Variants in ZNF66 observed in about 807,000 individuals in gnomAD.
The protein encoded by ZNF66 is zinc finger protein 66, also known as putative zinc finger protein 66.
In ZNF66, 32 loss-of-function variants were observed where a neutral mutation model predicts 35.2. The observed-to-expected ratio is 0.91, with a 90% CI of 0.69 to 1.22. The LOEUF is 1.22. ZNF66 is among the 50% of genes most tolerant of loss of function. The probability of loss-of-function intolerance (pLI) is 0.00; values close to 1 mark genes in which losing one functional copy is unlikely to be tolerated. For synonymous variants in ZNF66, 231 were observed against 181.3 expected, an observed-to-expected ratio of 1.27 and a Z score of -2.20; for missense variants, 666 against 543.1, an observed-to-expected ratio of 1.23 and a Z score of -2.25.
At chr19:20,793,054 A>T (rs1971353240) in intron 2 of ZNF66, among the ~76,000 whole-genome samples, 3 of 151,754 alleles carry the variant, frequency 2.0e-5, no homozygotes, top group Non-Finnish European at 4.4e-5. Flanking sequence ...GCAACAGAGC[A>T]AGATTCTGTC....
rs534354489 is a variant in ZNF66, at chr19:20,802,114, T to G, written c.227-3713T>G. 4.6e-5 allele frequency among the ~76,000 whole-genome samples: 7 copies of G among 152,300 alleles called. 1 individual carries two copies. The East Asian group carries it at 1.3e-3, about 29-fold the overall frequency. ...CCTTTATACTCATAACAAATTATTTTAATTCTGTAGCTTTTTGATGTGTTT... is the reference window on the plus strand; with the variant it reads ...CCTTTATACTCATAACAAATTATTTGAATTCTGTAGCTTTTTGATGTGTTT... On this transcript the variant is annotated intron_variant, in intron 3 of 3. Transcript: ENST00000344519.
At chr19:20,781,233 T>C (rs1248737309) in intron 1 of ZNF66, among the ~76,000 whole-genome samples, 2 of 152,228 alleles carry the variant, frequency 1.3e-5, no homozygotes, top group Non-Finnish European at 2.9e-5. Context: ...TTTAATTTTT[T>C]ATTTTAGCTT....
Position 20,779,854 on chromosome 19 carries a change from G to C in ZNF66, c.3+3404G>C, listed in dbSNP as rs117334053. Among the ~76,000 whole-genome samples, 532 of 151,914 alleles carry C rather than the reference G, an allele frequency of 3.5e-3. 4 individuals are homozygous for C. In the East Asian group the frequency reaches 0.036, roughly 10 times the overall value. ...GAGGCAGGAGAATCGCTTGAACTCGGGAGGTAAATGTTGTACTGAGCTGAG... is the reference window on the plus strand; with the variant it reads ...GAGGCAGGAGAATCGCTTGAACTCGCGAGGTAAATGTTGTACTGAGCTGAG... On this transcript the variant is annotated intron_variant, in intron 1 of 3. Transcript: ENST00000344519.
chr19:20,791,523 A>C (rs2144901322), intron 1 of ZNF66, among the ~76,000 whole-genome samples: 1 of 150,732 alleles, frequency 6.6e-6, no homozygotes, highest in South Asian at 2.1e-4. Flanking sequence ...GCTCATTTAA[A>C]TGTGATGGCA....
At chr19:20,791,398 C>A (rs1382504247) in intron 1 of ZNF66, among the ~76,000 whole-genome samples, 1 of 151,056 alleles carries the variant, frequency 6.6e-6, no homozygotes, top group Non-Finnish European at 1.5e-5. Flanking sequence ...GGGAGGAGAA[C>A]CACTTGAACC....
chr19:20,780,507 A>G (rs1464272327), intron 1 of ZNF66, among the ~76,000 whole-genome samples: 2 of 152,182 alleles, frequency 1.3e-5, no homozygotes, highest in Non-Finnish European at 1.5e-5. Context: ...GTAGCTCAGA[A>G]GCATAGATGG....
intron 1 of ZNF66, among the ~76,000 whole-genome samples, chr19:20,781,791 AGCACT>A (rs1372903477): frequency 6.6e-6 from 1 of 152,008 alleles, no homozygotes. Flanking sequence ...TACAGGTGTG[AGCACT>A]GCGCCAGGCC....
intron 1 of ZNF66, among the ~76,000 whole-genome samples, chr19:20,780,669 T>C (rs985358015): frequency 2.0e-5 from 3 of 152,152 alleles, no homozygotes; most frequent in African/African-American, 7.2e-5. Context: ...CAGCTAACTC[T>C]ACAGATTTGG....
intron 3 of ZNF66, among the ~76,000 whole-genome samples, chr19:20,796,733 A>T (rs556954474): frequency 5.3e-5 from 8 of 152,310 alleles, no homozygotes; most frequent in African/African-American, 1.9e-4. Context: ...AGAATCTTCT[A>T]TTTATAATTA....
chr19:20,803,486 A>G (rs1971470601), intron 3 of ZNF66, among the ~76,000 whole-genome samples: 1 of 151,952 alleles, frequency 6.6e-6, no homozygotes, highest in African/African-American at 2.4e-5. Context: ...ATTTTTCATC[A>G]TTACATCTGC....
chr19:20,781,018 G>C (rs1273140708), intron 1 of ZNF66, among the ~76,000 whole-genome samples: 1 of 152,136 alleles, frequency 6.6e-6, no homozygotes, highest in African/African-American at 2.4e-5. Flanking sequence ...ACAAGTCTCT[G>C]CAAGTCTCCT....
chr19:20,805,304 C>A (rs950753490), intron 3 of ZNF66, among the ~76,000 whole-genome samples: 1 of 152,100 alleles, frequency 6.6e-6, no homozygotes, highest in Non-Finnish European at 1.5e-5. Flanking sequence ...AAGCAATTCT[C>A]TGCCTCAGCC....
At position 20,779,007 on chromosome 19, in the gene ZNF66, G is replaced by A. The variant is rs73007847; in HGVS notation, c.3+2557G>A. Among the ~76,000 whole-genome samples, 7 of 152,112 alleles carry A rather than the reference G, an allele frequency of 4.6e-5. No individual in the cohort carries two copies. The South Asian group carries it at 8.3e-4, about 18-fold the overall frequency. ...GTTAGTTTTTTCTGGGGAGCCTCCCGTGCAGGTGTCCAGCCTGCTCACCCC... is the reference window on the plus strand; with the variant it reads ...GTTAGTTTTTTCTGGGGAGCCTCCCATGCAGGTGTCCAGCCTGCTCACCCC... On this transcript the variant is annotated intron_variant, in intron 1 of 3. Transcript: ENST00000344519.
chr19:20,791,504 AAG>A (rs1491488723), intron 1 of ZNF66, among the ~76,000 whole-genome samples: 40 of 151,492 alleles, frequency 2.6e-4, no homozygotes, highest in South Asian at 4.2e-4. Flanking sequence ...AAAAAAAAAA[AAG>A]AAAATTGCTC....
At chr19:20,789,501 G>A (rs1016855448) in intron 1 of ZNF66, among the ~76,000 whole-genome samples, 80 of 152,270 alleles carry the variant, frequency 5.3e-4, no homozygotes, top group African/African-American at 1.9e-3. Context: ...ACCAGTGTTT[G>A]CAGAGACATT....
rs1037749571 is a variant in ZNF66, at chr19:20,809,845, G to T, written c.*2523G>T. On this transcript the variant is annotated 3_prime_UTR_variant, in exon 4 of 4. Coordinates refer to ENST00000344519, the MANE Select transcript of ZNF66 (RefSeq NM_001355197.2). The stretch of plus-strand genomic sequence containing the variant: ...TCACATAACAATATTAGCTTTAAAT[G>T]TAAATGGGCTAAATGCTCCAATTAA... 1.3e-5 allele frequency among the ~76,000 whole-genome samples: 2 copies of T among 152,018 alleles called. No individual in the cohort carries two copies. The highest frequency in any genetic ancestry group is 2.9e-5 in the Non-Finnish European group (2 of 68,030).
chr19:20,776,558 C>T, intron 1 of ZNF66, 108 bp downstream of exon 1: 1 of 1,377,514 alleles, frequency 7.3e-7, no homozygotes, highest in South Asian at 1.2e-5. Flanking sequence ...CCTTACCCAG[C>T]TCTGCCTCAG....
In ZNF66 at chr19:20,809,254, C is replaced by T. The variant is rs528657620; in HGVS notation, c.*1932C>T. On this transcript the variant is annotated 3_prime_UTR_variant, in exon 4 of 4. Transcript: ENST00000344519. The stretch of plus-strand genomic sequence containing the variant: ...GAATGGAACCAACTTGGAAAACACT[C>T]TGCAGGATATTATCCAGGAGAACTT... Among the ~76,000 whole-genome samples the T allele has an allele frequency of 1.3e-5, 2 of 152,164 alleles. No homozygotes were observed. The highest frequency in any genetic ancestry group is 2.9e-5 in the Non-Finnish European group (2 of 68,032).
chr19:20,801,402 G>A (rs1254165776), intron 3 of ZNF66, among the ~76,000 whole-genome samples: 2 of 145,000 alleles, frequency 1.4e-5, no homozygotes, highest in Non-Finnish European at 3.1e-5. Flanking sequence ...GGAGTGCAAT[G>A]GTGCAATCTC....
Sources: gnomAD v4.1 joint callset for allele counts (sites outside exome capture counted in the v4.1 genomes callset) on GRCh38, gnomAD v4.1.1 for gene constraint, MANE v1.5 for transcripts, NCBI Gene and HGNC (gene_info 2026-07-23, HGNC 2026-07-21) for gene names.